The following NAF1 variants were observed in gnomAD, a reference collection of about 807,000 sequenced individuals.
NAF1 encodes the protein nuclear assembly factor 1 ribonucleoprotein.
A neutral mutation model predicts 40.6 loss-of-function variants in NAF1; 11 were observed. The ratio of observed to expected loss-of-function variants is 0.27; its 90% CI spans 0.17 to 0.45. NAF1 has a LOEUF of 0.45. Among genes scored for constraint, NAF1 ranks in the 20% least tolerant of loss-of-function variants. NAF1 has a pLI of 1.00. For synonymous variants in NAF1, 260 were observed against 228.5 expected (o/e 1.14, Z -1.24); for missense variants, 607 against 611.1 (o/e 0.99, Z 0.07).
chr4:163,113,911 T>C (rs1219495853), intron 2 of NAF1, among the ~76,000 whole-genome samples: 1 of 152,222 alleles, frequency 6.6e-6, no homozygotes, highest in Non-Finnish European at 1.5e-5. Context: ...TTAAATCTAG[T>C]AGGATTCTCA....
chr4:163,142,624 A>C (rs1579159278), intron 4 of NAF1, among the ~76,000 whole-genome samples: 1 of 152,270 alleles, frequency 6.6e-6, no homozygotes, highest in East Asian at 1.9e-4. Context: ...TAAGTAAAAC[A>C]ACATCACAGG....
chr4:163,107,589 T>TACAGG (rs1284024881), downstream of NAF1, among the ~76,000 whole-genome samples: 4 of 152,218 alleles, frequency 2.6e-5, no homozygotes, highest in Admixed American at 6.5e-5. Flanking sequence ...AAAGAAGCTT[T>TACAGG]TACCTGAGAG....
intron 2 of NAF1, among the ~76,000 whole-genome samples, chr4:163,114,828 G>C (rs1389766100): frequency 6.6e-6 from 1 of 152,090 alleles, no homozygotes; most frequent in Non-Finnish European, 1.5e-5. Flanking sequence ...AAATTCACTG[G>C]TAAAGGTATC....
Position 163,132,933 on chromosome 4 carries a change from C to T in NAF1, c.1033+221G>A, listed in dbSNP as rs548723547. On this transcript the variant is annotated intron_variant, in intron 7 of 7. Transcript: ENST00000274054. The stretch of plus-strand genomic sequence containing the variant: ...CTTAAGAAAAAAGTGCTGACAAGCA[C>T]GAGTAACAAGGTTTAGTCTCTCTGT... Among the ~76,000 whole-genome samples the T allele has an allele frequency of 3.7e-4, 57 of 152,334 alleles. 1 individual carries two copies. Among genetic ancestry groups the T allele is most frequent in the South Asian group, 2.9e-3 (14 of 4,828 alleles).
intron 7 of NAF1, among the ~76,000 whole-genome samples, chr4:163,131,722 T>G (rs1212210028): frequency 6.6e-6 from 1 of 152,180 alleles, no homozygotes; most frequent in Non-Finnish European, 1.5e-5. Flanking sequence ...TAAATTAGTT[T>G]TCCTCAAAAC....
chr4:163,129,962 C>A (rs774974821), intron 7 of NAF1, among the ~76,000 whole-genome samples: 1 of 152,134 alleles, frequency 6.6e-6, no homozygotes, highest in South Asian at 2.1e-4. Context: ...AGGCATAAGA[C>A]CTCGTGGGAT....
intron 2 of NAF1, among the ~76,000 whole-genome samples, chr4:163,155,309 TC>T (rs1033088644): frequency 2.0e-5 from 3 of 152,142 alleles, no homozygotes; most frequent in African/African-American, 7.2e-5. Flanking sequence ...ACCTTTTTAG[TC>T]CCAATCATAA....
downstream of NAF1, chr4:163,126,875 TA>T: frequency 7.0e-7 from 1 of 1,428,516 alleles, no homozygotes; most frequent in Non-Finnish European, 9.2e-7. Flanking sequence ...TTCCAACAGC[TA>T]AAAGACTGTA....
chr4:163,104,619 A>G, the NAF1 span, among the ~76,000 whole-genome samples: 1 of 152,216 alleles, frequency 6.6e-6, no homozygotes. Context: ...ATAGATATTT[A>G]TATTTAAGAA....
intron 2 of NAF1, chr4:163,157,410 A>G (rs907308755): frequency 6.6e-5 from 10 of 152,070 alleles, no homozygotes; most frequent in African/African-American, 1.4e-4. Context: ...CCCCACTAAT[A>G]TGACTTCAGA....
intron 2 of NAF1, among the ~76,000 whole-genome samples, chr4:163,159,474 A>G (rs948227787): frequency 3.3e-5 from 5 of 152,164 alleles, no homozygotes; most frequent in Non-Finnish European, 7.4e-5. Context: ...TTTATAAACC[A>G]ACTTATGCCT....
At chr4:163,114,190 G>A (rs1730254599) in intron 2 of NAF1, among the ~76,000 whole-genome samples, 1 of 152,218 alleles carries the variant, frequency 6.6e-6, no homozygotes, top group Non-Finnish European at 1.5e-5. Context: ...AGCCACTGAA[G>A]TAGAACCACA....
chr4:163,134,169 C>T (rs1188950365), intron 6 of NAF1, among the ~76,000 whole-genome samples: 1 of 151,656 alleles, frequency 6.6e-6, no homozygotes, highest in African/African-American at 2.4e-5. Flanking sequence ...TTTTATTATT[C>T]TATTAATTAT....
chr4:163,127,067 T>C, downstream of NAF1: 1 of 1,551,676 alleles, frequency 6.4e-7, no homozygotes, highest in Non-Finnish European at 8.7e-7. Flanking sequence ...CTCACTTGAC[T>C]GCAATGGTCT....
chr4:163,125,879 A>G (rs1730640061), downstream of NAF1, among the ~76,000 whole-genome samples: 1 of 152,204 alleles, frequency 6.6e-6, no homozygotes, highest in Admixed American at 6.5e-5. Context: ...GCCAATGCTC[A>G]TTTACAATTC....
At chr4:163,117,245 A>G (rs892987254) in intron 2 of NAF1, among the ~76,000 whole-genome samples, 3 of 152,090 alleles carry the variant, frequency 2.0e-5, no homozygotes, top group Non-Finnish European at 4.4e-5. Flanking sequence ...TCTCACCTCT[A>G]TGTTCCCACC....
At position 163,128,834 on chromosome 4, in the gene NAF1, A is replaced by G. The variant is rs1241202942; in HGVS notation, c.*63T>C. 51 of 860,288 alleles carry G rather than the reference A, an allele frequency of 5.9e-5. No individual in the cohort carries two copies. In the East Asian group the frequency reaches 1.8e-3, roughly 30 times the overall value. The allele number at this position is 860,288 out of a possible 1,614,324, so 53.3% of individuals were successfully genotyped here. ...AAATCTAGCTCCATAATCACTCTTG[A>G]AAAAAAAAAATCCTTACCACATAAT... On this transcript the variant is annotated 3_prime_UTR_variant, in exon 8 of 8. Transcript: ENST00000274054.
At chr4:163,111,528 A>T (rs1241375391) in intron 2 of NAF1, among the ~76,000 whole-genome samples, 2 of 152,156 alleles carry the variant, frequency 1.3e-5, no homozygotes, top group African/African-American at 4.8e-5. Context: ...GTTTGGGGTG[A>T]ATTTAGAATT....
chr4:163,105,051 G>C, the NAF1 span, among the ~76,000 whole-genome samples: 4 of 152,174 alleles, frequency 2.6e-5, no homozygotes, highest in Admixed American at 2.0e-4. Context: ...TATAAGAAGG[G>C]ATCAGCAGCC....
Sources: allele counts gnomAD v4.1 joint callset (sites outside exome capture counted in the v4.1 genomes callset), GRCh38; gene constraint gnomAD v4.1.1; transcripts MANE v1.5; gene names NCBI Gene and HGNC (gene_info 2026-07-23, HGNC 2026-07-21).